The following PDE4D variants were observed in gnomAD, a reference collection of about 807,000 sequenced individuals.
PDE4D encodes the protein phosphodiesterase 4D, also known as 3',5'-cyclic-AMP phosphodiesterase 4D.
PDE4D carries 24 observed loss-of-function variants against 87.4 expected under a neutral mutation model. The ratio of observed to expected loss-of-function variants is 0.27; its 90% CI spans 0.20 to 0.39. The LOEUF (loss-of-function observed/expected upper bound fraction) is 0.39, where lower values mean the gene tolerates loss of function less well. Ranked by LOEUF, PDE4D falls within the 10% of genes least tolerant of loss-of-function variation. The pLI is 1.00. For synonymous variants in PDE4D, 384 were observed against 383.2 expected, an observed-to-expected ratio of 1.00 and a Z score of -0.02; for missense variants, 714 against 1,041.0, an observed-to-expected ratio of 0.69 and a Z score of 4.32.
At chr5:59,545,827 GA>G (rs201924020) in intron 1 of PDE4D, among the ~76,000 whole-genome samples, 19 of 151,128 alleles carry the variant, frequency 1.3e-4, no homozygotes, top group South Asian at 8.4e-4. Context: ...AATCTTTGAA[GA>G]AAAAAAAATT....
chr5:59,407,478 T>C (rs258117), intron 1 of PDE4D, among the ~76,000 whole-genome samples: 37,680 of 152,114 alleles, frequency 0.25, 5,014 homozygotes, highest in East Asian at 0.39. Flanking sequence ...GAGTGGGGCA[T>C]TGCTATAAAG....
chr5:60,294,138 G>A (rs1169923083), intron 1 of PDE4D, among the ~76,000 whole-genome samples: 2 of 152,140 alleles, frequency 1.3e-5, no homozygotes, highest in African/African-American at 4.8e-5. Flanking sequence ...TGGATGTGTG[G>A]TGGTATTTCT....
intron 1 of PDE4D, among the ~76,000 whole-genome samples, chr5:59,389,948 A>G (rs758642153): frequency 6.6e-6 from 1 of 152,194 alleles, no homozygotes; most frequent in South Asian, 2.1e-4. Flanking sequence ...AAAGGTGACT[A>G]TAGCTAACAA....
In PDE4D at chr5:59,300,688, C is replaced by G. The variant is rs186746550; in HGVS notation, c.456-84720G>C. ...GAACAAACATGTGAGGTTTCCCCCC[C>G]ACACCAAGCAGCCAACACTAGCTGG... On this transcript the variant is annotated intron_variant, in intron 1 of 14. Coordinates refer to ENST00000340635, the MANE Select transcript of PDE4D (RefSeq NM_001104631.2). Among the ~76,000 whole-genome samples, 8 of 152,132 alleles carry G rather than the reference C, an allele frequency of 5.3e-5. No homozygotes were observed. The South Asian group carries it at 8.3e-4, about 16-fold the overall frequency.
chr5:60,460,380 G>A (rs1401444011), intron 1 of PDE4D: 21 of 1,021,964 alleles, frequency 2.1e-5, no homozygotes, highest in Non-Finnish European at 3.1e-5. Flanking sequence ...TTTCAACTCT[G>A]CTCAAATAAT....
At chr5:59,874,490 GTTATAAC>G (rs1748270434) in intron 1 of PDE4D, among the ~76,000 whole-genome samples, 1 of 152,092 alleles carries the variant, frequency 6.6e-6, no homozygotes, top group Admixed American at 6.6e-5. Context: ...AGATAATAGA[GTTATAAC>G]TCAAGAGTGA....
At chr5:59,888,840 T>C (rs1281367343) in intron 1 of PDE4D, among the ~76,000 whole-genome samples, 8 of 152,164 alleles carry the variant, frequency 5.3e-5, no homozygotes, top group African/African-American at 1.9e-4. Context: ...ATAGCTTTTA[T>C]AACCTAGCAT....
At chr5:59,126,854 T>C (rs1052306153) in intron 5 of PDE4D, among the ~76,000 whole-genome samples, 3 of 152,210 alleles carry the variant, frequency 2.0e-5, no homozygotes, top group African/African-American at 7.2e-5. Context: ...GTTATACAGC[T>C]GATATCATCA....
chr5:60,446,243 T>C (rs1453181398), intron 1 of PDE4D, among the ~76,000 whole-genome samples: 3 of 152,052 alleles, frequency 2.0e-5, no homozygotes, highest in African/African-American at 7.2e-5. Flanking sequence ...GCCAAAAAAA[T>C]CAAACCTTTA....
At chr5:59,788,571 C>T (rs750878457) in intron 1 of PDE4D, among the ~76,000 whole-genome samples, 1 of 152,218 alleles carries the variant, frequency 6.6e-6, no homozygotes, top group Non-Finnish European at 1.5e-5. Flanking sequence ...CTTGTGATAG[C>T]TGCTTGACTC....
At chr5:60,468,130 C>CTTTTTTTTTTTTTTTTTTTTTTTTTT (rs370784270) in intron 1 of PDE4D, among the ~76,000 whole-genome samples, 3 of 126,208 alleles carry the variant, frequency 2.4e-5, no homozygotes, top group African/African-American at 9.2e-5. Context: ...AACTTTCTTT[C>CTTTTTTTTTTTTTTTTTTTTTTTTTT]TTTTTTCTTT....
intron 1 of PDE4D, among the ~76,000 whole-genome samples, chr5:59,881,519 G>A (rs1391851279): frequency 6.6e-6 from 1 of 152,012 alleles, no homozygotes; most frequent in Non-Finnish European, 1.5e-5. Context: ...AAAATAAATT[G>A]TATAGTTATT....
intron 1 of PDE4D, among the ~76,000 whole-genome samples, chr5:60,396,112 G>C (rs1235382657): frequency 2.0e-5 from 3 of 152,168 alleles, no homozygotes; most frequent in Non-Finnish European, 4.4e-5. Flanking sequence ...CCACCCAAAG[G>C]GGGCACTGCT....
chr5:60,018,272 C>A (rs1306782443), intron 2 of PDE4D, among the ~76,000 whole-genome samples: 1 of 152,018 alleles, frequency 6.6e-6, no homozygotes, highest in East Asian at 1.9e-4. Context: ...GAAATAAAAT[C>A]CTTTTTAAAC....
chr5:60,324,360 T>G (rs1286229711), intron 1 of PDE4D, among the ~76,000 whole-genome samples: 1 of 152,228 alleles, frequency 6.6e-6, no homozygotes, highest in Non-Finnish European at 1.5e-5. Flanking sequence ...ACAGGAATCA[T>G]GTTCAGTAGT....
intron 2 of PDE4D, among the ~76,000 whole-genome samples, chr5:60,008,388 T>C (rs1438408431): frequency 2.0e-5 from 3 of 152,062 alleles, no homozygotes; most frequent in Non-Finnish European, 2.9e-5. Context: ...AGACATCTAC[T>C]AATTTTGAAA....
chr5:59,842,023 G>A (rs191674494), intron 1 of PDE4D, among the ~76,000 whole-genome samples: 53 of 152,072 alleles, frequency 3.5e-4, no homozygotes, highest in East Asian at 1.9e-4. Context: ...TGGTTTCTAG[G>A]AATAGGTGCT....
At chr5:59,687,567 A>T (rs941553454) in intron 1 of PDE4D, among the ~76,000 whole-genome samples, 2 of 152,230 alleles carry the variant, frequency 1.3e-5, no homozygotes, top group African/African-American at 4.8e-5. Context: ...TCCTGAAGGA[A>T]GTGCTAAACA....
intron 2 of PDE4D, among the ~76,000 whole-genome samples, chr5:60,099,305 G>T (rs547857932): frequency 9.0e-4 from 137 of 151,870 alleles, no homozygotes; most frequent in African/African-American, 3.0e-3. Context: ...ATCTTGCCTG[G>T]AGCATTTGAG....
Sources: gnomAD v4.1 joint callset for allele counts (sites outside exome capture counted in the v4.1 genomes callset) on GRCh38, gnomAD v4.1.1 for gene constraint, MANE v1.5 for transcripts, NCBI Gene and HGNC (gene_info 2026-07-23, HGNC 2026-07-21) for gene names.